The following TLK1 variants were observed in gnomAD, a reference collection of about 807,000 sequenced individuals.
The protein encoded by TLK1 is serine/threonine-protein kinase tousled-like 1.
TLK1 carries 24 observed loss-of-function variants against 105.3 expected under a neutral mutation model. That is an observed-to-expected ratio of 0.23 (90% confidence interval 0.17 to 0.32). The LOEUF (loss-of-function observed/expected upper bound fraction) is 0.32. Among genes scored for constraint, TLK1 ranks in the 10% least tolerant of loss-of-function variants. The pLI is 1.00. For missense variants in TLK1, 558 were observed against 910.5 expected, an observed-to-expected ratio of 0.61 and a Z score of 4.98; for synonymous variants, 321 against 310.4, an observed-to-expected ratio of 1.03 and a Z score of -0.36.
In TLK1 at chr2:171,055,161, A is replaced by G; in HGVS notation, c.561T>C (p.Asn187=). ...HSTPSSSVRP[N]SPSPTALAFG... is the part of the protein sequence containing the mutation. ...ATGCTAATGCAGTAGGAGAAGGGCT[A>G]TTCGGTCGAACCTAAAGAAATTATT... The change falls in exon 7 of 21, where the codon AAT becomes AAC. Residue 187 remains asparagine, a synonymous_variant. Transcript: ENST00000431350. 7.0e-7 allele frequency: 1 copy of G among 1,421,114 alleles called. No homozygotes were observed. Among genetic ancestry groups the G allele is most frequent in the Non-Finnish European group, 9.3e-7 (1 of 1,073,834 alleles). The allele number at this position is 1,421,114 out of a possible 1,614,324, so 88.0% of individuals were successfully genotyped here.
chr2:171,029,517 T>C (rs1038953805), intron 11 of TLK1, among the ~76,000 whole-genome samples: 5 of 152,052 alleles, frequency 3.3e-5, no homozygotes, highest in African/African-American at 4.8e-5. Flanking sequence ...AATATAGACA[T>C]AGGGTCTTGC....
intron 11 of TLK1, among the ~76,000 whole-genome samples, chr2:171,035,901 A>T (rs1407622840): frequency 6.6e-6 from 1 of 152,210 alleles, no homozygotes; most frequent in Non-Finnish European, 1.5e-5. Context: ...TAGAGTCTCT[A>T]GAAGTAACAT....
intron 1 of TLK1, among the ~76,000 whole-genome samples, chr2:171,143,536 A>C (rs1691673282): frequency 4.6e-5 from 3 of 65,080 alleles, no homozygotes; most frequent in Non-Finnish European, 8.8e-5. Flanking sequence ...AAAAAAAAAA[A>C]AAAAAAAAAA....
intron 1 of TLK1, chr2:171,159,487 T>C (rs1194972047): frequency 2.0e-5 from 3 of 152,182 alleles, no homozygotes; most frequent in Non-Finnish European, 4.4e-5. Flanking sequence ...CCAGAAAACT[T>C]AGAAAACAAT....
intron 2 of TLK1, among the ~76,000 whole-genome samples, chr2:171,112,247 G>T (rs1690209574): frequency 6.6e-6 from 1 of 152,190 alleles, no homozygotes; most frequent in Non-Finnish European, 1.5e-5. Context: ...ACCACGCCTG[G>T]CCTGATAAAT....
At position 171,059,988 on chromosome 2, in the gene TLK1, T is replaced by C. The variant is rs1003890995; in HGVS notation, c.406+1093A>G. On this transcript the variant is annotated intron_variant, in intron 4 of 20. Coordinates refer to ENST00000431350, the MANE Select transcript of TLK1 (RefSeq NM_012290.5). The stretch of plus-strand genomic sequence containing the variant: ...GGAAGACCGGGAGGTTGGGGAACCC[T>C]GCAGAAGATGAGAGGAGAGGTCTGC... The C allele has an allele frequency of 5.0e-6, 8 of 1,612,512 alleles. No homozygotes were observed. In the African/African-American group the frequency reaches 6.7e-5, roughly 13 times the overall value.
At chr2:170,995,381 A>G (rs934654806) in intron 20 of TLK1, among the ~76,000 whole-genome samples, 2 of 152,146 alleles carry the variant, frequency 1.3e-5, no homozygotes, top group South Asian at 2.1e-4. Flanking sequence ...TCATATTAAT[A>G]TTATATCCCC....
chr2:171,056,614 G>T (rs1375587072), intron 5 of TLK1, 48 bp from the exon 6 acceptor site: 16 of 1,460,508 alleles, frequency 1.1e-5, no homozygotes, highest in Non-Finnish European at 1.5e-5. Flanking sequence ...AGCAGGCTCA[G>T]ACAGTTATTT....
intron 1 of TLK1, among the ~76,000 whole-genome samples, chr2:171,195,850 G>T (rs1031021372): frequency 6.6e-6 from 1 of 151,832 alleles, no homozygotes; most frequent in Admixed American, 6.6e-5. Context: ...GGAGTTCGAG[G>T]CCAGCCTGGC....
chr2:171,156,900 G>T (rs1692260184), intron 1 of TLK1, among the ~76,000 whole-genome samples: 2 of 152,004 alleles, frequency 1.3e-5, no homozygotes, highest in African/African-American at 4.8e-5. Flanking sequence ...ACGCTATCTA[G>T]GCTTACCGCA....
chr2:171,142,548 T>A (rs187838846), intron 1 of TLK1, among the ~76,000 whole-genome samples: 9 of 152,252 alleles, frequency 5.9e-5, no homozygotes, highest in Non-Finnish European at 1.0e-4. Context: ...GTCACAATAA[T>A]AAAAAGTTTG....
chr2:171,212,731 A>G (rs1271591225), intron 1 of TLK1, among the ~76,000 whole-genome samples: 3 of 152,192 alleles, frequency 2.0e-5, no homozygotes, highest in African/African-American at 7.2e-5. Flanking sequence ...ATGCCTACTT[A>G]GTGATGAGAG....
chr2:171,108,842 T>C (rs186368181), intron 2 of TLK1, among the ~76,000 whole-genome samples: 18 of 152,202 alleles, frequency 1.2e-4, no homozygotes, highest in African/African-American at 3.6e-4. Flanking sequence ...GTGATCCACC[T>C]GCCCCCGCCT....
At chr2:171,076,134 C>T (rs1688492655) in intron 3 of TLK1, among the ~76,000 whole-genome samples, 1 of 151,782 alleles carries the variant, frequency 6.6e-6, no homozygotes, top group Admixed American at 6.6e-5. Flanking sequence ...AGGAGACTCG[C>T]TTGAACCCAG....
intron 12 of TLK1, among the ~76,000 whole-genome samples, chr2:171,022,086 A>AACAC (rs557803785): frequency 0.1 from 10,523 of 102,786 alleles, 557 homozygotes; most frequent in African/African-American, 0.16. Flanking sequence ...CTGGGCGAAA[A>AACAC]ACACACACAC....
chr2:170,996,293 C>T (rs1324182635), intron 20 of TLK1, among the ~76,000 whole-genome samples: 2 of 152,136 alleles, frequency 1.3e-5, no homozygotes, highest in African/African-American at 4.8e-5. Context: ...GCCACCACGC[C>T]CAGCCTTATT....
chr2:171,211,799 C>T (rs1263486312), intron 1 of TLK1, among the ~76,000 whole-genome samples: 4 of 151,520 alleles, frequency 2.6e-5, no homozygotes, highest in African/African-American at 4.9e-5. Flanking sequence ...CCACCCGCCT[C>T]GGCCTCCCAA....
At chr2:171,119,402 C>A (rs1260014506) in intron 1 of TLK1, among the ~76,000 whole-genome samples, 1 of 152,176 alleles carries the variant, frequency 6.6e-6, no homozygotes, top group Non-Finnish European at 1.5e-5. Flanking sequence ...TTCCCCATGG[C>A]CTTCTGTTTT....
intron 3 of TLK1, among the ~76,000 whole-genome samples, chr2:171,079,044 T>C (rs1266771636): frequency 6.6e-6 from 1 of 152,182 alleles, no homozygotes; most frequent in African/African-American, 2.4e-5. Context: ...ACCAGAAGTT[T>C]GAAAACCAGT....
Sources: gnomAD v4.1 joint callset for allele counts (sites outside exome capture counted in the v4.1 genomes callset) on GRCh38, gnomAD v4.1.1 for gene constraint, MANE v1.5 for transcripts, NCBI Gene and HGNC (gene_info 2026-07-23, HGNC 2026-07-21) for gene names.